FAT3: variants seen among roughly 807,000 people sequenced by gnomAD.
FAT3 encodes FAT atypical cadherin 3.
A neutral mutation model predicts 310.2 loss-of-function variants in FAT3; 95 were observed. The ratio of observed to expected loss-of-function variants is 0.31; its 90% confidence interval spans 0.26 to 0.36. FAT3 has a LOEUF of 0.36. FAT3 is among the 10% of genes least tolerant of loss of function. The pLI is 1.00. For synonymous variants in FAT3, 2,314 were observed against 2,192.9 expected, an observed-to-expected ratio of 1.06 and a Z score of -1.54; for missense variants, 5,408 against 5,715.6, an observed-to-expected ratio of 0.95 and a Z score of 1.74.
chr11:92,534,437 A>G (rs1021335436), intron 3 of FAT3, among the ~76,000 whole-genome samples: 2 of 152,178 alleles, frequency 1.3e-5, no homozygotes, highest in African/African-American at 4.8e-5. Flanking sequence ...TAAATAAATA[A>G]TTAATGATCC....
intron 1 of FAT3, among the ~76,000 whole-genome samples, chr11:92,243,014 C>A (rs1864729389): frequency 6.6e-6 from 1 of 151,590 alleles, no homozygotes; most frequent in Admixed American, 6.6e-5. Context: ...TTAAACTTTG[C>A]AAGTTATTTT....
At chr11:92,465,756 T>C (rs1036454248) in intron 2 of FAT3, among the ~76,000 whole-genome samples, 1 of 152,076 alleles carries the variant, frequency 6.6e-6, no homozygotes, top group East Asian at 1.9e-4. Flanking sequence ...GAGAAATACC[T>C]GATGTAAATG....
At chr11:92,501,709 T>C (rs888378658) in intron 2 of FAT3, among the ~76,000 whole-genome samples, 2 of 152,058 alleles carry the variant, frequency 1.3e-5, no homozygotes, top group African/African-American at 4.8e-5. Flanking sequence ...CAACTCTTTA[T>C]GATGGATTGG....
chr11:92,734,403 G>C (rs1945279161), intron 4 of FAT3, among the ~76,000 whole-genome samples: 1 of 152,138 alleles, frequency 6.6e-6, no homozygotes, highest in Admixed American at 6.5e-5. Flanking sequence ...ATAGATGTCT[G>C]TTCCAAAGGC....
chr11:92,780,005 G>T (rs759888889), intron 7 of FAT3, among the ~76,000 whole-genome samples: 2 of 152,006 alleles, frequency 1.3e-5, no homozygotes, highest in African/African-American at 2.4e-5. Flanking sequence ...AACTATATTC[G>T]GTCAAACAAC....
intron 9 of FAT3, among the ~76,000 whole-genome samples, chr11:92,793,936 T>TA (rs775050297): frequency 2.3e-4 from 33 of 145,836 alleles, no homozygotes; most frequent in East Asian, 4.0e-4. Context: ...AACAACCTTC[T>TA]AAAAAAAAAA....
intron 2 of FAT3, among the ~76,000 whole-genome samples, chr11:92,505,778 A>C (rs183212130): frequency 1.3e-5 from 2 of 152,168 alleles, no homozygotes; most frequent in African/African-American, 4.8e-5. Flanking sequence ...CTTCCTGCAC[A>C]GTCAGGAGTC....
At chr11:92,663,654 G>A (rs533104912) in intron 3 of FAT3, among the ~76,000 whole-genome samples, 4 of 152,044 alleles carry the variant, frequency 2.6e-5, no homozygotes, top group South Asian at 2.1e-4. Context: ...AAAAGTTATC[G>A]CCCTTAAATG....
intron 2 of FAT3, among the ~76,000 whole-genome samples, chr11:92,356,481 C>G (rs932009968): frequency 2.6e-5 from 4 of 152,124 alleles, no homozygotes; most frequent in African/African-American, 9.7e-5. Flanking sequence ...TCTCATAGTT[C>G]GGGAGGCTGG....
intron 2 of FAT3, among the ~76,000 whole-genome samples, chr11:92,412,322 C>T (rs1950289908): frequency 6.6e-6 from 1 of 150,924 alleles, no homozygotes; most frequent in South Asian, 2.1e-4. Flanking sequence ...AGGATGGTCT[C>T]AATCTCCTGA....
At chr11:92,260,110 G>T (rs1014199505) in intron 1 of FAT3, among the ~76,000 whole-genome samples, 12 of 152,276 alleles carry the variant, frequency 7.9e-5, no homozygotes, top group Non-Finnish European at 1.5e-4. Context: ...ACCTGTCAGC[G>T]TGACCCGGTT....
At chr11:92,784,550 G>C (rs1481855667) in intron 7 of FAT3, among the ~76,000 whole-genome samples, 1 of 152,130 alleles carries the variant, frequency 6.6e-6, no homozygotes, top group East Asian at 1.9e-4. Context: ...TGTTTGTGGT[G>C]GGCAGCATTG....
At chr11:92,718,782 A>T (rs1306534283) in intron 4 of FAT3, among the ~76,000 whole-genome samples, 1 of 152,180 alleles carries the variant, frequency 6.6e-6, no homozygotes, top group East Asian at 1.9e-4. Context: ...CTACAAGTGA[A>T]CATTAGTTTT....
intron 7 of FAT3, among the ~76,000 whole-genome samples, chr11:92,785,840 G>A (rs944174487): frequency 6.6e-6 from 1 of 152,070 alleles, no homozygotes; most frequent in African/African-American, 2.4e-5. Context: ...TGCTATACAG[G>A]TTTATTTAGA....
At chr11:92,610,508 A>G (rs1362642381) in intron 3 of FAT3, among the ~76,000 whole-genome samples, 1 of 152,048 alleles carries the variant, frequency 6.6e-6, no homozygotes, top group Non-Finnish European at 1.5e-5. Flanking sequence ...TTTAGGCCCA[A>G]CTTCCTTTTT....
chr11:92,719,223 G>C (rs946771432), intron 4 of FAT3, among the ~76,000 whole-genome samples: 1 of 152,172 alleles, frequency 6.6e-6, no homozygotes, highest in Non-Finnish European at 1.5e-5. Flanking sequence ...AGCTGGGCCA[G>C]TTAGCATTTC....
intron 3 of FAT3, among the ~76,000 whole-genome samples, chr11:92,577,645 A>T (rs11020012): frequency 0.011 from 1,692 of 152,226 alleles, 32 homozygotes; most frequent in East Asian, 0.097. Flanking sequence ...ACTGTGCAGT[A>T]AGACTTTTAA....
At chr11:92,604,670 G>T (rs1020709631) in intron 3 of FAT3, among the ~76,000 whole-genome samples, 1 of 152,146 alleles carries the variant, frequency 6.6e-6, no homozygotes. Context: ...ACTTTGCCCT[G>T]TATATACCCA....
chr11:92,312,322 G>T lies in FAT3; in HGVS notation c.-17-39774G>T, dbSNP rs1264264878. 3.3e-5 allele frequency among the ~76,000 whole-genome samples: 5 copies of T among 152,340 alleles called. No individual in the cohort carries two copies. In the East Asian group the frequency reaches 9.6e-4, roughly 29 times the overall value. ...GTTTTCGCAGTAGTCTGACAGGACA[G>T]TGGATAAGTGCATTGCAAAATCTTT... is the stretch of plus-strand genomic sequence containing the variant. On this transcript the variant is annotated intron_variant, in intron 1 of 27. Transcript: ENST00000525166.
Sources: gnomAD v4.1 joint callset for allele counts (sites outside exome capture counted in the v4.1 genomes callset) on GRCh38, gnomAD v4.1.1 for gene constraint, MANE v1.5 for transcripts, NCBI Gene and HGNC (gene_info 2026-07-23, HGNC 2026-07-21) for gene names.